PRELID2: variants seen among roughly 807,000 people sequenced by gnomAD.
PRELID2 encodes PRELI domain containing 2.
In PRELID2, 25 loss-of-function variants were observed where a neutral mutation model predicts 28.4. The observed-to-expected ratio is 0.88, with a 90% CI of 0.64 to 1.23. The LOEUF (loss-of-function observed/expected upper bound fraction) is 1.23, where lower values mean the gene tolerates loss of function less well. Among genes scored for constraint, PRELID2 ranks in the 50% most tolerant of loss-of-function variants. The pLI, the probability that PRELID2 is intolerant of heterozygous loss-of-function variation, is 0.00. For synonymous variants in PRELID2, 76 were observed against 71.6 expected (o/e 1.06, Z -0.31); for missense variants, 201 against 214.4 (o/e 0.94, Z 0.39).
the PRELID2 span, among the ~76,000 whole-genome samples, chr5:145,334,048 T>G: frequency 6.6e-6 from 1 of 152,186 alleles, no homozygotes; most frequent in East Asian, 1.9e-4. Flanking sequence ...TCCCTTGTCC[T>G]TCCTGGGTGA....
chr5:145,357,222 T>A, the PRELID2 span, among the ~76,000 whole-genome samples: 2 of 152,284 alleles, frequency 1.3e-5, no homozygotes, highest in East Asian at 3.9e-4. Context: ...GTTCTGGGGA[T>A]GGTTTCTTAT....
intron 1 of PRELID2, among the ~76,000 whole-genome samples, chr5:145,600,292 A>G (rs948286885): frequency 6.6e-6 from 1 of 151,890 alleles, no homozygotes; most frequent in African/African-American, 2.4e-5. Context: ...TAAAACAGCT[A>G]GATCCCGAGT....
intron 4 of PRELID2, among the ~76,000 whole-genome samples, chr5:145,817,520 T>C (rs1486653684): frequency 6.7e-6 from 1 of 148,224 alleles, no homozygotes; most frequent in East Asian, 2.0e-4. Flanking sequence ...AACTAATTTA[T>C]AACTTACAAT....
chr5:145,323,237 C>T, the PRELID2 span, among the ~76,000 whole-genome samples: 1 of 150,978 alleles, frequency 6.6e-6, no homozygotes, highest in East Asian at 1.9e-4. Flanking sequence ...GGCAGGGGAC[C>T]TGAAAGAAAG....
the PRELID2 span, among the ~76,000 whole-genome samples, chr5:145,411,107 A>T: frequency 6.6e-6 from 1 of 152,206 alleles, no homozygotes; most frequent in Non-Finnish European, 1.5e-5. Context: ...TGATAAAGAC[A>T]TACCCGAGAT....
chr5:145,375,258 G>T, the PRELID2 span, among the ~76,000 whole-genome samples: 22 of 152,136 alleles, frequency 1.4e-4, no homozygotes, highest in Admixed American at 1.4e-3. Context: ...GTTTGCTGGC[G>T]TTTCACTTCA....
intron 1 of PRELID2, among the ~76,000 whole-genome samples, chr5:145,525,587 T>C (rs1208565057): frequency 4.6e-5 from 7 of 152,174 alleles, no homozygotes; most frequent in Non-Finnish European, 7.4e-5. Flanking sequence ...GCAGTTACCA[T>C]GAGACAGTTT....
chr5:145,245,393 G>A, the PRELID2 span, among the ~76,000 whole-genome samples: 604 of 151,956 alleles, frequency 4.0e-3, 5 homozygotes, highest in Non-Finnish European at 5.2e-3. Context: ...GAGAAAGTGA[G>A]CGGGTAGAAA....
chr5:145,540,934 G>A (rs1316939355), intron 1 of PRELID2, among the ~76,000 whole-genome samples: 3 of 151,844 alleles, frequency 2.0e-5, no homozygotes, highest in Non-Finnish European at 2.9e-5. Context: ...TAGAGGCTAC[G>A]TTTTCAGTTT....
chr5:145,725,477 A>T (rs1002884375), intron 1 of PRELID2, among the ~76,000 whole-genome samples: 1 of 152,242 alleles, frequency 6.6e-6, no homozygotes, highest in African/African-American at 2.4e-5. Flanking sequence ...CTGTTAAAAA[A>T]TAAAAAAGTC....
chr5:145,659,204 T>G (rs188159354), intron 1 of PRELID2, among the ~76,000 whole-genome samples: 2 of 152,314 alleles, frequency 1.3e-5, no homozygotes, highest in Admixed American at 1.3e-4. Context: ...TGTTATTCTC[T>G]AGATCACAGA....
At chr5:145,284,157 A>G in the PRELID2 span, among the ~76,000 whole-genome samples, 9 of 152,358 alleles carry the variant, frequency 5.9e-5, no homozygotes, top group Non-Finnish European at 1.2e-4. Flanking sequence ...GGATTAATGC[A>G]GATAAAGTGC....
exon 3 of PRELID2, chr5:145,471,818 A>C (rs1362786717): frequency 6.6e-6 from 1 of 152,182 alleles, no homozygotes; most frequent in Non-Finnish European, 1.5e-5. Context: ...AACTTAGGCC[A>C]TCCAAAAAGA....
chr5:145,271,930 G>A, the PRELID2 span, among the ~76,000 whole-genome samples: 1 of 151,892 alleles, frequency 6.6e-6, no homozygotes, highest in Non-Finnish European at 1.5e-5. Flanking sequence ...TGAATAGCAG[G>A]GCTTATTCCA....
intron 1 of PRELID2, among the ~76,000 whole-genome samples, chr5:145,831,621 T>G (rs1755593891): frequency 1.3e-5 from 2 of 152,192 alleles, no homozygotes; most frequent in African/African-American, 2.4e-5. Flanking sequence ...TCCCAAGGAA[T>G]CTCTGAAGGA....
At chr5:145,404,082 G>C in the PRELID2 span, among the ~76,000 whole-genome samples, 2 of 152,128 alleles carry the variant, frequency 1.3e-5, no homozygotes, top group Non-Finnish European at 2.9e-5. Context: ...TATCAACAAC[G>C]GCACCTGTGA....
chr5:145,523,229 A>C (rs1440702902), intron 1 of PRELID2, among the ~76,000 whole-genome samples: 1 of 152,226 alleles, frequency 6.6e-6, no homozygotes, highest in Non-Finnish European at 1.5e-5. Flanking sequence ...GGAGAAACGT[A>C]AGTCAAATCA....
At chr5:145,756,176 A>C (rs1358213230), downstream of PRELID2, among the ~76,000 whole-genome samples, 1 of 152,114 alleles carries the variant, frequency 6.6e-6, no homozygotes, top group Non-Finnish European at 1.5e-5. Flanking sequence ...TTCTGGAAGA[A>C]ACTCTAATGT....
the PRELID2 span, among the ~76,000 whole-genome samples, chr5:145,234,104 TAA>T: frequency 6.6e-6 from 1 of 152,210 alleles, no homozygotes; most frequent in African/African-American, 2.4e-5. Context: ...CAAGAGAATA[TAA>T]GTTACCAATA....
Sources: allele counts gnomAD v4.1 joint callset (sites outside exome capture counted in the v4.1 genomes callset), GRCh38; gene constraint gnomAD v4.1.1; transcripts MANE v1.5; gene names NCBI Gene and HGNC (gene_info 2026-07-23, HGNC 2026-07-21).